SEMA6D: variants seen among roughly 807,000 people sequenced by gnomAD.
SEMA6D encodes the protein semaphorin 6D.
A neutral mutation model predicts 106.6 loss-of-function variants in SEMA6D; 35 were observed. The observed-to-expected ratio is 0.33, with a 90% CI of 0.25 to 0.44. SEMA6D has a LOEUF of 0.44. Ranked by LOEUF, SEMA6D falls within the 20% of genes least tolerant of loss-of-function variation. The pLI is 1.00. For synonymous variants in SEMA6D, 499 were observed against 487.7 expected (o/e 1.02, Z -0.31); for missense variants, 1,185 against 1,345.9 (o/e 0.88, Z 1.87).
At chr15:47,720,261 C>CTTTTTTTTTT (rs869122623) in intron 1 of SEMA6D, among the ~76,000 whole-genome samples, 2 of 97,152 alleles carry the variant, frequency 2.1e-5, no homozygotes, top group African/African-American at 3.9e-5. Context: ...AATAACCTTT[C>CTTTTTTTTTT]TTTTTTTTTT....
chr15:47,421,872 A>G lies in SEMA6D; in HGVS notation c.-159+9400A>G, dbSNP rs77250688. ...AGTGTGTAGGACTACAAACAGTAAAATAACATTTGACTGTCTTTTCTAGAA... is the reference window on the plus strand; with the variant it reads ...AGTGTGTAGGACTACAAACAGTAAAGTAACATTTGACTGTCTTTTCTAGAA... On this transcript the variant is annotated intron_variant, in intron 2 of 19. Transcript: ENST00000558014. Among the ~76,000 whole-genome samples the G allele has an allele frequency of 4.6e-5, 7 of 152,206 alleles. No individual in the cohort carries two copies. The East Asian group carries it at 1.4e-3, about 29-fold the overall frequency.
At chr15:47,675,373 C>T (rs1414961024) in intron 4 of SEMA6D, among the ~76,000 whole-genome samples, 1 of 152,160 alleles carries the variant, frequency 6.6e-6, no homozygotes, top group South Asian at 2.1e-4. Flanking sequence ...CTGGAGTCCT[C>T]GCAAGAAGAG....
intron 3 of SEMA6D, among the ~76,000 whole-genome samples, chr15:47,594,624 G>C (rs2076502380): frequency 6.6e-6 from 1 of 152,204 alleles, no homozygotes; most frequent in Admixed American, 6.5e-5. Context: ...GGCATTGAAT[G>C]TTTATTAAGT....
intron 15 of SEMA6D, 39 bp from the exon 16 acceptor site, chr15:47,766,577 G>A (rs529188807): frequency 1.9e-6 from 3 of 1,606,724 alleles, no homozygotes; most frequent in East Asian, 2.2e-5. Context: ...TCCTATGAAG[G>A]CTGTTAACCG....
At chr15:47,351,031 T>C (rs1361991181) in intron 1 of SEMA6D, among the ~76,000 whole-genome samples, 3 of 152,186 alleles carry the variant, frequency 2.0e-5, no homozygotes, top group South Asian at 2.1e-4. Context: ...CAGTTCAGCC[T>C]GACTCTTCAT....
At chr15:47,321,942 A>G (rs914176635) in intron 1 of SEMA6D, among the ~76,000 whole-genome samples, 3 of 152,134 alleles carry the variant, frequency 2.0e-5, no homozygotes, top group South Asian at 4.1e-4. Flanking sequence ...CAGTTTATCA[A>G]TTTAGCACTT....
At chr15:47,678,466 G>A (rs962512368) in intron 4 of SEMA6D, among the ~76,000 whole-genome samples, 1 of 152,020 alleles carries the variant, frequency 6.6e-6, no homozygotes, top group Non-Finnish European at 1.5e-5. Flanking sequence ...AGAAAATGCT[G>A]TCCAGGTTAT....
intron 1 of SEMA6D, among the ~76,000 whole-genome samples, chr15:47,207,562 T>C (rs1895157133): frequency 6.6e-6 from 1 of 152,212 alleles, no homozygotes; most frequent in South Asian, 2.1e-4. Context: ...GGTCCAAGTC[T>C]AAGTAGTGCT....
At chr15:47,732,493 C>G (rs1275062630) in intron 1 of SEMA6D, among the ~76,000 whole-genome samples, 1 of 152,152 alleles carries the variant, frequency 6.6e-6, no homozygotes, top group Non-Finnish European at 1.5e-5. Context: ...GTCACCTGCT[C>G]ATGTATGAAG....
chr15:47,278,398 G>A (rs2034941502), intron 1 of SEMA6D, among the ~76,000 whole-genome samples: 1 of 152,176 alleles, frequency 6.6e-6, no homozygotes, highest in South Asian at 2.1e-4. Flanking sequence ...TTTTTTGGCT[G>A]CATAAATGTC....
intron 1 of SEMA6D, among the ~76,000 whole-genome samples, chr15:47,367,700 A>T (rs140211756): frequency 2.1e-5 from 1 of 47,918 alleles, no homozygotes; most frequent in East Asian, 3.9e-4. Flanking sequence ...GCGCACACAC[A>T]CACACACACA....
At chr15:47,551,379 C>G (rs2045682526) in intron 3 of SEMA6D, among the ~76,000 whole-genome samples, 1 of 152,128 alleles carries the variant, frequency 6.6e-6, no homozygotes, top group Non-Finnish European at 1.5e-5. Context: ...CACCTTTTCA[C>G]TGTGACCTTA....
At position 47,582,236 on chromosome 15, in the gene SEMA6D, G is replaced by A. The variant is rs117935226; in HGVS notation, c.-86-18629G>A. On this transcript the variant is annotated intron_variant, in intron 3 of 19. Transcript: ENST00000558014. Reference sequence around the variant, plus strand: ...TGAGGAGTGCAATGATGCAGTCAGCGGATGTCCAGAGTGCTCCTTGCTTTC... The same window carrying A: ...TGAGGAGTGCAATGATGCAGTCAGCAGATGTCCAGAGTGCTCCTTGCTTTC... Among the ~76,000 whole-genome samples the A allele has an allele frequency of 4.1e-3, 624 of 152,276 alleles. 4 individuals carry two copies. Among genetic ancestry groups the A allele is most frequent in the Admixed American group, 6.3e-3 (97 of 15,308 alleles).
At chr15:47,623,635 A>G (rs2077149066) in intron 4 of SEMA6D, among the ~76,000 whole-genome samples, 2 of 152,198 alleles carry the variant, frequency 1.3e-5, no homozygotes, top group Admixed American at 6.5e-5. Context: ...ATTTTCTCCC[A>G]TAATAGAATG....
chr15:47,189,385 T>C (rs1893802133), intron 1 of SEMA6D, among the ~76,000 whole-genome samples: 2 of 152,200 alleles, frequency 1.3e-5, no homozygotes, highest in Admixed American at 1.3e-4. Flanking sequence ...TTGTTTCTCT[T>C]TGTACTTGAA....
intron 1 of SEMA6D, among the ~76,000 whole-genome samples, chr15:47,269,579 T>A (rs2034467479): frequency 6.6e-6 from 1 of 152,130 alleles, no homozygotes; most frequent in African/African-American, 2.4e-5. Context: ...TTATATCTGT[T>A]TGATATTTTA....
chr15:47,455,441 A>G (rs1022194179), intron 2 of SEMA6D, among the ~76,000 whole-genome samples: 21 of 151,988 alleles, frequency 1.4e-4, no homozygotes, highest in African/African-American at 5.1e-4. Context: ...GTTTTGACAC[A>G]CTGTGTGGAG....
At chr15:47,568,601 C>A (rs1270315349) in intron 3 of SEMA6D, among the ~76,000 whole-genome samples, 1 of 152,054 alleles carries the variant, frequency 6.6e-6, no homozygotes, top group African/African-American at 2.4e-5. Flanking sequence ...AATTACATCT[C>A]AGGTAATATG....
At chr15:47,531,371 C>T (rs2044958134) in intron 3 of SEMA6D, among the ~76,000 whole-genome samples, 1 of 152,152 alleles carries the variant, frequency 6.6e-6, no homozygotes, top group African/African-American at 2.4e-5. Flanking sequence ...CCTCCATATG[C>T]ATAAACAAAT....
Sources: gnomAD v4.1 joint callset for allele counts (sites outside exome capture counted in the v4.1 genomes callset) on GRCh38, gnomAD v4.1.1 for gene constraint, MANE v1.5 for transcripts, NCBI Gene and HGNC (gene_info 2026-07-23, HGNC 2026-07-21) for gene names.